CERKL: variants seen among roughly 807,000 people sequenced by gnomAD.
The protein encoded by CERKL is ceramide kinase-like protein.
In CERKL, 61 loss-of-function variants were observed where a neutral mutation model predicts 63.4. That is an observed-to-expected ratio of 0.96 (90% confidence interval 0.78 to 1.19). The LOEUF (loss-of-function observed/expected upper bound fraction) is 1.19, where lower values mean the gene tolerates loss of function less well. Among genes scored for constraint, CERKL ranks in the 50% most tolerant of loss-of-function variants. The probability of loss-of-function intolerance (pLI) is 0.00; values close to 1 mark genes in which losing one functional copy is unlikely to be tolerated. For missense variants in CERKL, 675 were observed against 655.5 expected (o/e 1.03, Z -0.33); for synonymous variants, 250 against 230.5 (o/e 1.08, Z -0.77).
intron 6 of CERKL, among the ~76,000 whole-genome samples, chr2:181,549,229 C>T (rs1245566391): frequency 6.6e-6 from 1 of 152,160 alleles, no homozygotes; most frequent in Non-Finnish European, 1.5e-5. Flanking sequence ...TATCTATAGA[C>T]ATCTACTGGC....
chr2:181,538,063 G>A lies in CERKL; in HGVS notation c.*121C>T, dbSNP rs6747500. The A allele has an allele frequency of 0.71, 510,886 of 716,582 alleles. 184,189 individuals are homozygous for A. The highest frequency in any genetic ancestry group is 0.88 in the South Asian group (59,648 of 67,402). The allele number at this position is 716,582 out of a possible 1,614,324, so 44.4% of individuals were successfully genotyped here. A position where few individuals can be genotyped will look rare whatever the true frequency, so the allele number is the denominator to read the frequency against. The stretch of plus-strand genomic sequence containing the variant: ...ATCCTGAAACCATTCCCCCATCCAC[G>A]GAAAAATTGTCTTCCATGAAACTGG... On this transcript the variant is annotated 3_prime_UTR_variant, in exon 13 of 13. Transcript: ENST00000410087.
At chr2:181,628,868 C>A (rs933384875) in intron 1 of CERKL, among the ~76,000 whole-genome samples, 1 of 152,052 alleles carries the variant, frequency 6.6e-6, no homozygotes, top group African/African-American at 2.4e-5. Flanking sequence ...GATGTGTTTC[C>A]AGGATACATA....
chr2:181,563,380 A>C (rs1688526656), intron 4 of CERKL, among the ~76,000 whole-genome samples: 1 of 152,188 alleles, frequency 6.6e-6, no homozygotes, highest in Non-Finnish European at 1.5e-5. Flanking sequence ...AGCATTTCTT[A>C]AACATTACTT....
intron 2 of CERKL, among the ~76,000 whole-genome samples, chr2:181,598,773 C>T (rs747322717): frequency 2.2e-4 from 34 of 152,138 alleles, no homozygotes; most frequent in South Asian, 4.2e-4. Flanking sequence ...AAAGCTACCA[C>T]GCCCAAGGAA....
intron 2 of CERKL, among the ~76,000 whole-genome samples, chr2:181,584,960 T>C (rs1684697835): frequency 6.6e-6 from 1 of 151,726 alleles, no homozygotes; most frequent in East Asian, 2.0e-4. Context: ...ACTTTCTTGC[T>C]CAATTCTTTG....
At chr2:181,582,278 C>G (rs559047282) in intron 2 of CERKL, among the ~76,000 whole-genome samples, 3 of 152,206 alleles carry the variant, frequency 2.0e-5, no homozygotes, top group South Asian at 2.1e-4. Context: ...TCATGCAGAA[C>G]CATCTCTAAA....
intron 1 of CERKL, among the ~76,000 whole-genome samples, chr2:181,639,354 C>A (rs1461372288): frequency 6.6e-6 from 1 of 152,088 alleles, no homozygotes; most frequent in Non-Finnish European, 1.5e-5. Context: ...TAGAGCTTCA[C>A]CCCTCTTAGG....
chr2:181,632,442 T>A (rs1260941922), intron 1 of CERKL, among the ~76,000 whole-genome samples: 1 of 152,200 alleles, frequency 6.6e-6, no homozygotes, highest in Non-Finnish European at 1.5e-5. Flanking sequence ...TCCCATAGAA[T>A]GATTAAACAA....
intron 2 of CERKL, among the ~76,000 whole-genome samples, chr2:181,600,260 T>C (rs1685401729): frequency 1.3e-5 from 2 of 152,234 alleles, no homozygotes; most frequent in African/African-American, 4.8e-5. Context: ...CACACAAAAG[T>C]ACAAGGCTCA....
intron 2 of CERKL, among the ~76,000 whole-genome samples, chr2:181,576,017 G>A (rs1458544487): frequency 6.6e-6 from 1 of 152,070 alleles, no homozygotes; most frequent in African/African-American, 2.4e-5. Flanking sequence ...CTATTTACAT[G>A]AAAGGACGCA....
chr2:181,544,078 AT>A (rs1232525017), intron 11 of CERKL, among the ~76,000 whole-genome samples: 1 of 152,132 alleles, frequency 6.6e-6, no homozygotes, highest in Non-Finnish European at 1.5e-5. Flanking sequence ...AATTTCAGAA[AT>A]TCACATAGTT....
At position 181,657,083 on chromosome 2, in the gene CERKL, C is replaced by G. The variant is rs770403474; in HGVS notation, c.-77G>C. On this transcript the variant is annotated 5_prime_UTR_variant, in exon 1 of 13. Coordinates refer to ENST00000410087, the MANE Select transcript of CERKL (RefSeq NM_201548.5). Reference sequence around the variant, plus strand: ...AAGGAGGTGGAGGGCGCGGCAGCCCCAGCTCTAGCCGCGTCCAGCGCTGCC... The same window carrying G: ...AAGGAGGTGGAGGGCGCGGCAGCCCGAGCTCTAGCCGCGTCCAGCGCTGCC... 40 of 1,323,740 alleles carry G rather than the reference C, an allele frequency of 3.0e-5. No homozygotes were observed. The East Asian group carries it at 1.0e-3, about 33-fold the overall frequency. The allele number at this position is 1,323,740 out of a possible 1,614,324, so 82.0% of individuals were successfully genotyped here.
intron 1 of CERKL, among the ~76,000 whole-genome samples, chr2:181,608,663 A>G (rs1685826499): frequency 6.6e-6 from 1 of 152,184 alleles, no homozygotes; most frequent in Non-Finnish European, 1.5e-5. Context: ...AGGATTTCCA[A>G]AAACAGGGCA....
At chr2:181,560,321 C>T (rs959956502) in intron 4 of CERKL, among the ~76,000 whole-genome samples, 3 of 152,216 alleles carry the variant, frequency 2.0e-5, no homozygotes, top group East Asian at 3.9e-4. Context: ...ACATAGGATG[C>T]GAACACTTAA....
Position 181,573,899 on chromosome 2 carries a change from T to C in CERKL, c.482-15A>G. The C allele has an allele frequency of 1.9e-6, 3 of 1,611,370 alleles. No individual in the cohort carries two copies. The highest frequency in any genetic ancestry group is 1.7e-6 in the Non-Finnish European group (2 of 1,178,454). On this transcript the variant is annotated splice_polypyrimidine_tract_variant and intron_variant, in intron 2 of 12. Coordinates refer to ENST00000410087, the MANE Select transcript of CERKL (RefSeq NM_201548.5). ...GTTTGGAAAGCCTAAGAAGAAATTT[T>C]AAAGACAAAGTTGTAAAGTCCTTGT... is the stretch of plus-strand genomic sequence containing the variant.
chr2:181,656,704 G>A, intron 1 of CERKL, 65 bp downstream of exon 1: 1 of 1,358,188 alleles, frequency 7.4e-7, no homozygotes, highest in Non-Finnish European at 1.0e-6. Context: ...GTGGGTGTAG[G>A]CCTTGGGCCG....
At chr2:181,588,810 G>T (rs1684869529) in intron 2 of CERKL, among the ~76,000 whole-genome samples, 1 of 152,124 alleles carries the variant, frequency 6.6e-6, no homozygotes, top group Admixed American at 6.5e-5. Context: ...TCTCACTGTG[G>T]TTTTAATTTG....
At chr2:181,634,696 T>C (rs983499650) in intron 1 of CERKL, among the ~76,000 whole-genome samples, 6 of 152,162 alleles carry the variant, frequency 3.9e-5, no homozygotes, top group Admixed American at 3.3e-4. Flanking sequence ...AAAAAGATCA[T>C]TGTTATTCTC....
chr2:181,633,932 A>G (rs535125801), intron 1 of CERKL, among the ~76,000 whole-genome samples: 8 of 152,178 alleles, frequency 5.3e-5, no homozygotes, highest in Non-Finnish European at 1.2e-4. Flanking sequence ...ACTACTACAT[A>G]CTTATCAAAT....
Sources: gnomAD v4.1 joint callset for allele counts (sites outside exome capture counted in the v4.1 genomes callset) on GRCh38, gnomAD v4.1.1 for gene constraint, MANE v1.5 for transcripts, NCBI Gene and HGNC (gene_info 2026-07-23, HGNC 2026-07-21) for gene names.